AMMECR1L: variants seen among roughly 807,000 people sequenced by gnomAD.
The protein encoded by AMMECR1L is AMMECR1 like.
In AMMECR1L, 4 loss-of-function variants were observed where a neutral mutation model predicts 36.8. The ratio of observed to expected loss-of-function variants is 0.11; its 90% CI spans 0.05 to 0.25. AMMECR1L has a LOEUF of 0.25. Among genes scored for constraint, AMMECR1L ranks in the 10% least tolerant of loss-of-function variants. The pLI, the probability that AMMECR1L is intolerant of heterozygous loss-of-function variation, is 1.00. For synonymous variants in AMMECR1L, 147 were observed against 148.0 expected, an observed-to-expected ratio of 0.99 and a Z score of 0.05; for missense variants, 232 against 392.1, an observed-to-expected ratio of 0.59 and a Z score of 3.45.
intron 2 of AMMECR1L, among the ~76,000 whole-genome samples, chr2:127,881,206 G>C (rs975075755): frequency 1.3e-5 from 2 of 151,786 alleles, no homozygotes; most frequent in Non-Finnish European, 2.9e-5. Context: ...CAATGATAGA[G>C]CACTTTCAGA....
In AMMECR1L at chr2:127,864,492, T is replaced by C. The variant is rs1690597417; in HGVS notation, c.*602A>G. On this transcript the variant is annotated 3_prime_UTR_variant, in exon 8 of 8. Coordinates refer to ENST00000272647, the MANE Select transcript of AMMECR1L (RefSeq NM_001199140.2). ...GATCTGCAACGCCACCCAAAGGGCT[T>C]CCGATCTTGATGTGGGTCTCTGTCC... is the stretch of plus-strand genomic sequence containing the variant. 6.6e-6 allele frequency: 1 copy of C among 152,268 alleles called. No individual in the cohort carries two copies. Among genetic ancestry groups the C allele is most frequent in the Non-Finnish European group, 1.5e-5 (1 of 68,050 alleles). The allele number at this position is 152,268 out of a possible 1,614,324, so 9.4% of individuals were successfully genotyped here. A position where few individuals can be genotyped will look rare whatever the true frequency, so the allele number is the denominator to read the frequency against.
chr2:127,868,355 A>G (rs1424117141), intron 6 of AMMECR1L, among the ~76,000 whole-genome samples: 1 of 152,210 alleles, frequency 6.6e-6, no homozygotes, highest in Non-Finnish European at 1.5e-5. Context: ...CTCCTTGTAC[A>G]GAGTGTGTTA....
In AMMECR1L at chr2:127,865,269, G is replaced by T; in HGVS notation, c.822-64C>A. 2 of 1,196,526 alleles carry T rather than the reference G, an allele frequency of 1.7e-6. No individual in the cohort carries two copies. The highest frequency in any genetic ancestry group is 2.4e-6 in the Non-Finnish European group (2 of 847,362). The allele number at this position is 1,196,526 out of a possible 1,614,324, so 74.1% of individuals were successfully genotyped here. A position where few individuals can be genotyped will look rare whatever the true frequency, so the allele number is the denominator to read the frequency against. On this transcript the variant is annotated intron_variant, in intron 7 of 7. Coordinates refer to ENST00000272647, the MANE Select transcript of AMMECR1L (RefSeq NM_001199140.2). The surrounding 1 kb of genome is among the most constrained non-coding windows in gnomAD (Gnocchi z 5.4). ...ACGCTTCATTTTGTAAAGTCACTCA[G>T]CAGAGAAAAACCAAAAGCTTATTCC...
rs114470779 is a variant in AMMECR1L at position 127,884,576 on chromosome 2, T to C, written c.-148-264A>G. On this transcript the variant is annotated intron_variant, in intron 1 of 7. Coordinates refer to ENST00000272647, the MANE Select transcript of AMMECR1L (RefSeq NM_001199140.2). ...CACTGAGAATCAAAGGTTTTATTTA[T>C]TGAACTCGAGCATGAGACGCACATT... is the stretch of plus-strand genomic sequence containing the variant. Among the ~76,000 whole-genome samples, 569 of 152,306 alleles carry C rather than the reference T, an allele frequency of 3.7e-3. 6 individuals are homozygous for C. Among genetic ancestry groups the C allele is most frequent in the African/African-American group, 0.013 (525 of 41,552 alleles).
At chr2:127,882,319 G>A (rs550027096) in intron 2 of AMMECR1L, among the ~76,000 whole-genome samples, 155 of 152,274 alleles carry the variant, frequency 1.0e-3, no homozygotes, top group African/African-American at 3.5e-3. Context: ...CTCAAATCAA[G>A]CTTTTCACAG....
Position 127,873,440 on chromosome 2 carries a change from C to G in AMMECR1L, c.407+388G>C. 1.0e-6 allele frequency: 1 copy of G among 985,450 alleles called. No individual in the cohort carries two copies. The highest frequency in any genetic ancestry group is 1.2e-6 in the Non-Finnish European group (1 of 829,940). The allele number at this position is 985,450 out of a possible 1,614,324, so 61.0% of individuals were successfully genotyped here. A position where few individuals can be genotyped will look rare whatever the true frequency, so the allele number is the denominator to read the frequency against. On this transcript the variant is annotated intron_variant, in intron 3 of 7. Coordinates refer to ENST00000272647, the MANE Select transcript of AMMECR1L (RefSeq NM_001199140.2). This position sits in a 1 kb window ranked among gnomAD's most constrained non-coding sequence, Gnocchi z 5.2. ...CCCAGTGAATGAGAGCTCCTAGTCT[C>G]CAGCCTGGCCCTCAGACTTCCAACT...
At chr2:127,866,282 A>G (rs1310930738) in intron 7 of AMMECR1L, among the ~76,000 whole-genome samples, 1 of 152,132 alleles carries the variant, frequency 6.6e-6, no homozygotes, top group Non-Finnish European at 1.5e-5. Context: ...TTTTCCATAC[A>G]TTACCTTAGC....
rs1691115900 is a variant in AMMECR1L at position 127,874,086 on chromosome 2, T to C, written c.149A>G (p.Gln50Arg). ...TVPGSSSGPL[Q>R]NHQHVDSSSG... ...GCTGCTGTCCACATGCTGGTGGTTT[T>C]GAAGAGGTCCTGAACTAGAGCCGGG... is the stretch of plus-strand genomic sequence containing the variant. Residue 50 changes from glutamine (Q) to arginine (R), a missense_variant, in exon 3 of 8, where the codon CAA (glutamine) becomes CGA (arginine). Physicochemically the swap from Gln to Arg is conservative, Grantham distance 43. Around this residue, in one of 3 missense-constraint regions of AMMECR1L, gnomAD observed 109 missense variants for 128.1 expected, o/e 0.85. Coordinates refer to ENST00000272647, the MANE Select transcript of AMMECR1L (RefSeq NM_001199140.2). The surrounding 1 kb of genome is among the most constrained non-coding windows in gnomAD (Gnocchi z 5.2). The C allele has an allele frequency of 6.2e-7, 1 of 1,614,228 alleles. No homozygotes were observed. The highest frequency in any genetic ancestry group is 8.5e-7 in the Non-Finnish European group (1 of 1,180,040).
Position 127,870,906 on chromosome 2 carries a change from G to C in AMMECR1L, c.541C>G (p.Pro181Ala), listed in dbSNP as rs1690933870. ...GGCAGCTCCTCTCGGGTCAGGGGGGGAAATCGGCTGTCCTTAAGTGCACTG... is the reference window on the plus strand; with the variant it reads ...GGCAGCTCCTCTCGGGTCAGGGGGGCAAATCGGCTGTCCTTAAGTGCACTG... ...LTSALKDSRF[P>A]PLTREELPKL... Residue 181 changes from proline to alanine, a missense_variant, in exon 5 of 8, where the codon CCC becomes GCC. Transcript: ENST00000272647. The C allele has an allele frequency of 1.9e-6, 3 of 1,613,252 alleles. No individual in the cohort carries two copies. The highest frequency in any genetic ancestry group is 2.5e-6 in the Non-Finnish European group (3 of 1,179,746).
chr2:127,869,639 T>A lies in AMMECR1L; in HGVS notation c.634-95A>T. ...AATCAACATTGTTCCCTGACCAGCTTAACACAGGCCTGGAAAAGGGAGACC... is the reference window on the plus strand; with the variant it reads ...AATCAACATTGTTCCCTGACCAGCTAAACACAGGCCTGGAAAAGGGAGACC... On this transcript the variant is annotated intron_variant, in intron 5 of 7. Coordinates refer to ENST00000272647, the MANE Select transcript of AMMECR1L (RefSeq NM_001199140.2). The surrounding 1 kb of genome is among the most constrained non-coding windows in gnomAD (Gnocchi z 4.7). 9.6e-7 allele frequency: 1 copy of A among 1,044,772 alleles called. No homozygotes were observed. Among genetic ancestry groups the A allele is most frequent in the Non-Finnish European group, 1.5e-6 (1 of 674,954 alleles). 64.7% of individuals were successfully genotyped at this position (1,044,772 alleles called of 1,614,324 possible).
intron 2 of AMMECR1L, among the ~76,000 whole-genome samples, chr2:127,880,437 G>A (rs1007728511): frequency 6.6e-6 from 1 of 152,174 alleles, no homozygotes; most frequent in African/African-American, 2.4e-5. Context: ...CCTTGCAGGT[G>A]TCAAATAAAG....
intron 5 of AMMECR1L, 71 bp downstream of exon 5, chr2:127,870,743 T>C (rs1690928482): frequency 8.6e-7 from 1 of 1,161,254 alleles, no homozygotes; most frequent in East Asian, 2.4e-5. Context: ...ATGAAGGAGA[T>C]ACATTGCCAT....
rs1305047389 is a variant in AMMECR1L, at chr2:127,865,246, G to A, written c.822-41C>T. ...GGAAAGGGTATTAGGAACCCCAAAC[G>A]CTTCATTTTGTAAAGTCACTCAGCA... On this transcript the variant is annotated intron_variant, in intron 7 of 7. Transcript: ENST00000272647. This position sits in a 1 kb window ranked among gnomAD's most constrained non-coding sequence, Gnocchi z 5.4. 1 of 1,424,514 alleles carries A rather than the reference G, an allele frequency of 7.0e-7. No homozygotes were observed. The highest frequency in any genetic ancestry group is 9.7e-7 in the Non-Finnish European group (1 of 1,029,558). The allele number at this position is 1,424,514 out of a possible 1,614,324, so 88.2% of individuals were successfully genotyped here.
At position 127,867,099 on chromosome 2, in the gene AMMECR1L, G is replaced by A. The variant is rs1308825706; in HGVS notation, c.725-103C>T. 11 of 1,550,326 alleles carry A rather than the reference G, an allele frequency of 7.1e-6. 1 individual carries two copies. Among genetic ancestry groups the A allele is most frequent in the African/African-American group, 2.7e-5 (2 of 74,116 alleles). The stretch of plus-strand genomic sequence containing the variant: ...GAGAAATGGGACTCGAGAAGCAGCC[G>A]AGTCTGCTAAGGCAGAGGAAGCCCT... On this transcript the variant is annotated intron_variant, in intron 6 of 7. Coordinates refer to ENST00000272647, the MANE Select transcript of AMMECR1L (RefSeq NM_001199140.2).
intron 2 of AMMECR1L, among the ~76,000 whole-genome samples, chr2:127,875,191 C>T (rs1223483185): frequency 2.0e-5 from 3 of 151,850 alleles, no homozygotes; most frequent in Admixed American, 6.6e-5. Context: ...TAAAAGCCCG[C>T]GGTAAAAATG....
In AMMECR1L at chr2:127,865,802, G is replaced by A. The variant is rs1048291150; in HGVS notation, c.822-597C>T. ...GTCAGAACAGAATTCATAGCACTTT[G>A]GCTGTGCTCTGGAAAGAGCCATGAG... On this transcript the variant is annotated intron_variant, in intron 7 of 7. Coordinates refer to ENST00000272647, the MANE Select transcript of AMMECR1L (RefSeq NM_001199140.2). This position sits in a 1 kb window ranked among gnomAD's most constrained non-coding sequence, Gnocchi z 5.4. 2.6e-5 allele frequency among the ~76,000 whole-genome samples: 4 copies of A among 152,198 alleles called. No homozygotes were observed. Among genetic ancestry groups the A allele is most frequent in the African/African-American group, 7.2e-5 (3 of 41,432 alleles).
intron 1 of AMMECR1L, 149 bp downstream of exon 1, chr2:127,885,661 C>T (rs1396152710): frequency 1.0e-6 from 1 of 984,434 alleles, no homozygotes; most frequent in African/African-American, 1.7e-5. Flanking sequence ...CCCGCTGCCC[C>T]CGGACCCTCG....
rs929509487 is a variant in AMMECR1L at position 127,864,352 on chromosome 2, G to C, written c.*742C>G. 6.5e-6 allele frequency: 1 copy of C among 152,724 alleles called. No homozygotes were observed. Among genetic ancestry groups the C allele is most frequent in the East Asian group, 1.9e-4 (1 of 5,208 alleles). 9.5% of individuals were successfully genotyped at this position (152,724 alleles called of 1,614,324 possible). A position where few individuals can be genotyped will look rare whatever the true frequency, so the allele number is the denominator to read the frequency against. On this transcript the variant is annotated 3_prime_UTR_variant, in exon 8 of 8. Coordinates refer to ENST00000272647, the MANE Select transcript of AMMECR1L (RefSeq NM_001199140.2). ...CTCCATTCCATTCCATTCCTCAGCAGGCTACATGACGGAGCTCTGTTCAGT... is the reference window on the plus strand; with the variant it reads ...CTCCATTCCATTCCATTCCTCAGCACGCTACATGACGGAGCTCTGTTCAGT...
chr2:127,866,157 G>A (rs1690675447), intron 7 of AMMECR1L, among the ~76,000 whole-genome samples: 1 of 152,118 alleles, frequency 6.6e-6, no homozygotes, highest in Admixed American at 6.5e-5. Flanking sequence ...GCCCAAAAGA[G>A]GCCCACAAAA....
Sources: allele counts gnomAD v4.1 joint callset (sites outside exome capture counted in the v4.1 genomes callset), GRCh38; gene constraint gnomAD v4.1.1; regional missense constraint gnomAD v4.1.1; non-coding constraint Gnocchi (gnomAD v3.1); transcripts MANE v1.5; gene names NCBI Gene and HGNC (gene_info 2026-07-23, HGNC 2026-07-21).